Variants in GPC6 observed in about 807,000 individuals in gnomAD.
GPC6 encodes the protein glypican 6, also known as glypican-6.
A neutral mutation model predicts 55.2 loss-of-function variants in GPC6; 14 were observed. The ratio of observed to expected loss-of-function variants is 0.25; its 90% CI spans 0.17 to 0.40. The LOEUF is 0.40. Ranked by LOEUF, GPC6 falls within the 10% of genes least tolerant of loss-of-function variation. GPC6 has a pLI of 1.00. For synonymous variants in GPC6, 278 were observed against 259.6 expected (o/e 1.07, Z -0.68); for missense variants, 641 against 708.5 (o/e 0.90, Z 1.08).
At chr13:94,399,808 CTT>C (rs952832844) in intron 8 of GPC6, among the ~76,000 whole-genome samples, 3 of 152,206 alleles carry the variant, frequency 2.0e-5, no homozygotes, top group African/African-American at 7.2e-5. Context: ...ATCTCTCCTC[CTT>C]TTACTAAACC....
chr13:93,678,936 A>G (rs1350792744), intron 2 of GPC6, among the ~76,000 whole-genome samples: 1 of 152,168 alleles, frequency 6.6e-6, no homozygotes, highest in Non-Finnish European at 1.5e-5. Context: ...GCATCTCTAC[A>G]CTGTCTTTAA....
At chr13:94,044,138 A>G (rs1293343747) in intron 4 of GPC6, among the ~76,000 whole-genome samples, 1 of 151,534 alleles carries the variant, frequency 6.6e-6, no homozygotes, top group Non-Finnish European at 1.5e-5. Context: ...CCTTCTTTCT[A>G]TCCTTTTGCC....
chr13:94,193,654 G>A (rs1350257721), intron 4 of GPC6, among the ~76,000 whole-genome samples: 2 of 152,154 alleles, frequency 1.3e-5, no homozygotes, highest in African/African-American at 4.8e-5. Context: ...AGAAATGCCC[G>A]TGTGCAAAAT....
chr13:93,480,381 T>A (rs1031799837), intron 1 of GPC6, among the ~76,000 whole-genome samples: 1 of 152,154 alleles, frequency 6.6e-6, no homozygotes, highest in African/African-American at 2.4e-5. Flanking sequence ...ATAAGCTTGA[T>A]ACTATGAACA....
At chr13:93,832,329 A>G (rs1328182951) in intron 3 of GPC6, among the ~76,000 whole-genome samples, 1 of 151,302 alleles carries the variant, frequency 6.6e-6, no homozygotes, top group Admixed American at 6.6e-5. Flanking sequence ...GAGTAGATGC[A>G]TTTTGTTGTA....
At chr13:94,197,357 G>C (rs1370711679) in intron 4 of GPC6, among the ~76,000 whole-genome samples, 1 of 152,210 alleles carries the variant, frequency 6.6e-6, no homozygotes, top group African/African-American at 2.4e-5. Flanking sequence ...AACGGTATTA[G>C]CCTGCTAGGG....
chr13:93,315,657 A>G (rs899706865), intron 1 of GPC6, among the ~76,000 whole-genome samples: 1 of 151,858 alleles, frequency 6.6e-6, no homozygotes, highest in African/African-American at 2.4e-5. Flanking sequence ...AAGTGTACCT[A>G]AGATTGGTTG....
chr13:93,389,226 G>A (rs774811254), intron 1 of GPC6, among the ~76,000 whole-genome samples: 3 of 152,012 alleles, frequency 2.0e-5, no homozygotes, highest in African/African-American at 4.8e-5. Flanking sequence ...TGCCAGGCAC[G>A]GTGGCTTATG....
chr13:93,468,205 A>G (rs1295749560), intron 1 of GPC6, among the ~76,000 whole-genome samples: 1 of 152,156 alleles, frequency 6.6e-6, no homozygotes, highest in African/African-American at 2.4e-5. Context: ...ATACACGAAT[A>G]TCTTCAATTA....
At chr13:93,739,780 A>G (rs899393411) in intron 2 of GPC6, among the ~76,000 whole-genome samples, 3 of 152,158 alleles carry the variant, frequency 2.0e-5, no homozygotes, top group Admixed American at 2.0e-4. Flanking sequence ...TCTAGGTTCT[A>G]ACACTAGCGT....
chr13:93,463,025 A>C (rs1036860111), intron 1 of GPC6, among the ~76,000 whole-genome samples: 26 of 152,172 alleles, frequency 1.7e-4, no homozygotes, highest in Non-Finnish European at 3.1e-4. Flanking sequence ...GAATTAGGAC[A>C]ATCTTTTTTG....
chr13:93,455,601 G>A (rs1168086222), intron 1 of GPC6, among the ~76,000 whole-genome samples: 1 of 152,080 alleles, frequency 6.6e-6, no homozygotes, highest in African/African-American at 2.4e-5. Flanking sequence ...GAAAACCCAA[G>A]ATGGAGGCAA....
At chr13:93,523,298 A>ATAT (rs1555307742) in intron 1 of GPC6, among the ~76,000 whole-genome samples, 1 of 150,612 alleles carries the variant, frequency 6.6e-6, no homozygotes, top group African/African-American at 2.4e-5. Context: ...TGTAAATAAC[A>ATAT]TATAAGGGTA....
At chr13:94,074,234 A>G (rs940298649) in intron 4 of GPC6, among the ~76,000 whole-genome samples, 5 of 152,202 alleles carry the variant, frequency 3.3e-5, no homozygotes, top group Admixed American at 6.5e-5. Context: ...TTCATATTCA[A>G]TAGCTCAGTA....
upstream of GPC6, among the ~76,000 whole-genome samples, chr13:93,226,151 G>T (rs1364558724): frequency 6.6e-6 from 1 of 152,104 alleles, no homozygotes; most frequent in African/African-American, 2.4e-5. Context: ...AGGGCATCTA[G>T]TGAGAGGGAA....
chr13:93,871,428 G>C (rs1017626353), intron 3 of GPC6, among the ~76,000 whole-genome samples: 1 of 151,908 alleles, frequency 6.6e-6, no homozygotes, highest in Non-Finnish European at 1.5e-5. Context: ...TTATTCAACT[G>C]TAATGACTTC....
At chr13:94,351,359 C>A (rs949838788) in intron 6 of GPC6, among the ~76,000 whole-genome samples, 1 of 152,016 alleles carries the variant, frequency 6.6e-6, no homozygotes, top group African/African-American at 2.4e-5. Flanking sequence ...TAGAGTGAGT[C>A]CCCATGAGGT....
chr13:94,115,592 A>G (rs374161038), intron 4 of GPC6, among the ~76,000 whole-genome samples: 3 of 152,210 alleles, frequency 2.0e-5, no homozygotes, highest in African/African-American at 7.2e-5. Context: ...GTGATCTGTA[A>G]TCCAGGTAGA....
chr13:93,668,736 T>C (rs901214760), intron 2 of GPC6, among the ~76,000 whole-genome samples: 1 of 152,144 alleles, frequency 6.6e-6, no homozygotes, highest in Non-Finnish European at 1.5e-5. Context: ...CTGAGGGAGC[T>C]CAGCCTTGCC....
Sources: gnomAD v4.1 joint callset for allele counts (sites outside exome capture counted in the v4.1 genomes callset) on GRCh38, gnomAD v4.1.1 for gene constraint, MANE v1.5 for transcripts, NCBI Gene and HGNC (gene_info 2026-07-23, HGNC 2026-07-21) for gene names.